The following KLHL17 variants were observed in gnomAD, a reference collection of about 807,000 sequenced individuals.
KLHL17 encodes kelch-like protein 17.
A neutral mutation model predicts 64.6 loss-of-function variants in KLHL17; 71 were observed. That is an observed-to-expected ratio of 1.10 (90% CI 0.91 to 1.34). The LOEUF (loss-of-function observed/expected upper bound fraction) is 1.34. Among genes scored for constraint, KLHL17 ranks in the 40% most tolerant of loss-of-function variants. The pLI is 0.00. For synonymous variants in KLHL17, 612 were observed against 405.4 expected (o/e 1.51, Z -6.12); for missense variants, 1,140 against 935.0 (o/e 1.22, Z -2.86).
In KLHL17 at chr1:963,157, C is replaced by G. The variant is rs769368672; in HGVS notation, c.1091C>G (p.Thr364Arg). 1.1e-5 allele frequency: 17 copies of G among 1,611,242 alleles called. No homozygotes were observed. The highest frequency in any genetic ancestry group is 1.4e-5 in the Non-Finnish European group (16 of 1,178,986). The change falls in exon 7 of 12, where the codon ACG (threonine) becomes AGG (arginine). Residue 364 changes from threonine (T) to arginine (R), a missense_variant. By Grantham distance (71) the Thr-to-Arg change is moderately conservative. Coordinates refer to ENST00000338591, the MANE Select transcript of KLHL17 (RefSeq NM_198317.3). ...AIHGDCEAYDTRTDRWHVVAS... is the reference protein window; with the variant it reads ...AIHGDCEAYDRRTDRWHVVAS... The stretch of plus-strand genomic sequence containing the variant: ...CACGGAGACTGTGAGGCCTACGACA[C>G]GCGCACCGACCGCTGGCACGTGGTG...
At chr1:963,810 G>A (rs1642764359) in intron 8 of KLHL17, 110 bp from the exon 9 acceptor site, 1 of 1,280,060 alleles carries the variant, frequency 7.8e-7, no homozygotes, top group Non-Finnish European at 1.1e-6. Context: ...TGCGGTCTGA[G>A]TTTGACTCCT....
Position 963,520 on chromosome 1 carries a change from GC to G in KLHL17, c.1355+20del. 1 of 1,597,626 alleles carries G rather than the reference GC, an allele frequency of 6.3e-7. No individual in the cohort carries two copies. The highest frequency in any genetic ancestry group is 1.1e-5 in the South Asian group (1 of 89,834). On this transcript the variant is annotated intron_variant, in intron 8 of 11. Transcript: ENST00000338591. Reference sequence around the variant, plus strand: ...GCCTGAACAGGTAGTTGGGGTTGGGGCCCCAGTGGCTTTGTACAGTCCATCT... The same window carrying G: ...GCCTGAACAGGTAGTTGGGGTTGGGGCCCAGTGGCTTTGTACAGTCCATCT...
In KLHL17 at chr1:961,678, C is replaced by T. The variant is rs189446438; in HGVS notation, c.417C>T (p.Asp139=). ...RQTHVTLHDI[D]PQALDQLVQF... ...CCCACGTGACGCTGCACGACATCGA[C>T]CCTCAGGCCTTGGACCAGCTGGTGC... Residue 139 remains aspartate (D), a synonymous_variant, in exon 3 of 12, where the codon GAC becomes GAT. Coordinates refer to ENST00000338591, the MANE Select transcript of KLHL17 (RefSeq NM_198317.3). The T allele has an allele frequency of 7.8e-5, 126 of 1,612,584 alleles. 2 individuals are homozygous for T. Among genetic ancestry groups the T allele is most frequent in the African/African-American group, 2.8e-4 (21 of 75,042 alleles).
intron 10 of KLHL17, 53 bp from the exon 11 acceptor site, chr1:964,296 A>T: frequency 2.5e-6 from 4 of 1,581,834 alleles, no homozygotes; most frequent in South Asian, 1.1e-5. Context: ...GGGCTGCGGC[A>T]GAGGAGGGAT....
Position 963,413 on chromosome 1 carries a change from A to C in KLHL17, c.1264A>C (p.Met422Leu), listed in dbSNP as rs770306292. 112 of 1,612,536 alleles carry C rather than the reference A, an allele frequency of 6.9e-5. No homozygotes were observed. The highest frequency in any genetic ancestry group is 9.4e-5 in the Non-Finnish European group (111 of 1,179,870). ...TAACACGTGGCAGCCGGAGGTGTCC[A>C]TGGGCACAAGGCGAAGCTGCCTGGG... ...VTNTWQPEVS[M>L]GTRRSCLGVA... The change falls in exon 8 of 12, where the codon ATG (methionine) becomes CTG (leucine). Residue 422 changes from methionine (M) to leucine (L), a missense_variant. Met to Leu is a conservative substitution (Grantham distance 15, BLOSUM62 2). Transcript: ENST00000338591.
chr1:964,438 G>C lies in KLHL17; in HGVS notation c.1608G>C (p.Gly536=), dbSNP rs1447985831. The change falls in exon 11 of 12, where the codon GGG becomes GGC. Residue 536 remains glycine, a synonymous_variant. Coordinates refer to ENST00000338591, the MANE Select transcript of KLHL17 (RefSeq NM_198317.3). ...TGGAGGGTGCCCTGTACGTGGCAGG[G>C]GGCAACGACGGCACCAGCTGCCTCA... The part of the protein sequence containing the change: ...AVLEGALYVA[G]GNDGTSCLNS... The C allele has an allele frequency of 5.2e-6, 8 of 1,547,894 alleles. No individual in the cohort carries two copies. In the African/African-American group the frequency reaches 8.5e-5, roughly 16 times the overall value.
chr1:961,591 T>G (rs1167748329), intron 2 of KLHL17, 38 bp from the exon 3 acceptor site: 14 of 1,612,550 alleles, frequency 8.7e-6, no homozygotes, highest in Non-Finnish European at 1.0e-5. Flanking sequence ...GCTCCGTGGG[T>G]CCCTCGGGTC....
At position 961,009 on chromosome 1, in the gene KLHL17, G is replaced by T. The variant is rs1253275734; in HGVS notation, c.107+209G>T. The T allele has an allele frequency of 1.2e-5, 3 of 248,924 alleles. No homozygotes were observed. The South Asian group carries it at 4.4e-4, about 37-fold the overall frequency. The allele number at this position is 248,924 out of a possible 1,614,324, so 15.4% of individuals were successfully genotyped here. A position where few individuals can be genotyped will look rare whatever the true frequency, so the allele number is the denominator to read the frequency against. On this transcript the variant is annotated intron_variant, in intron 1 of 11. Coordinates refer to ENST00000338591, the MANE Select transcript of KLHL17 (RefSeq NM_198317.3). ...CTCCCGCTGCGGTCCCGAGAGGGCG[G>T]CTAGGGACGCGGAGGAGCTGAGCTC... is the stretch of plus-strand genomic sequence containing the variant.
rs1269049142 is a variant in KLHL17, at chr1:963,515, T to C, written c.1355+11T>C. ...CTCCTGCCTGAACAGGTAGTTGGGGTTGGGGCCCCAGTGGCTTTGTACAGT... is the reference window on the plus strand; with the variant it reads ...CTCCTGCCTGAACAGGTAGTTGGGGCTGGGGCCCCAGTGGCTTTGTACAGT... On this transcript the variant is annotated intron_variant, in intron 8 of 11. Coordinates refer to ENST00000338591, the MANE Select transcript of KLHL17 (RefSeq NM_198317.3). 1 of 1,600,412 alleles carries C rather than the reference T, an allele frequency of 6.2e-7. No homozygotes were observed. The highest frequency in any genetic ancestry group is 8.5e-7 in the Non-Finnish European group (1 of 1,172,506).
rs749868050 is a variant in KLHL17 at position 965,003 on chromosome 1, G to A, written c.1741G>A (p.Ala581Thr). Residue 581 changes from alanine (A) to threonine (T), a missense_variant, in exon 12 of 12, where the codon GCC becomes ACC. Coordinates refer to ENST00000338591, the MANE Select transcript of KLHL17 (RefSeq NM_198317.3). The part of the protein sequence containing the change: ...DLVAMDGWLY[A>T]VGGNDGSSSL... ...GGTGGCCATGGACGGATGGTTGTAC[G>A]CCGTGGGGGGTAACGACGGTAGCTC... 1.2e-5 allele frequency: 19 copies of A among 1,612,140 alleles called. No homozygotes were observed. Among genetic ancestry groups the A allele is most frequent in the Non-Finnish European group, 1.4e-5 (17 of 1,179,642 alleles).
intron 4 of KLHL17, 46 bp downstream of exon 4, chr1:962,093 C>CCCCCCCCTT: frequency 6.6e-7 from 1 of 1,518,424 alleles, no homozygotes; most frequent in Non-Finnish European, 9.0e-7. Flanking sequence ...CCACCCCACC[C>CCCCCCCCTT]CAGTCTTTGT....
In KLHL17 at chr1:964,186, T is replaced by C. The variant is rs1158654214; in HGVS notation, c.1518+6T>C. On this transcript the variant is annotated splice_donor_region_variant and intron_variant, in intron 10 of 11. Coordinates refer to ENST00000338591, the MANE Select transcript of KLHL17 (RefSeq NM_198317.3). ...TGGAGAAGTATGAGCCCCAGGTGCA[T>C]AGTGCACCCCTCCTGGCCACCCCCT... 1 of 1,612,220 alleles carries C rather than the reference T, an allele frequency of 6.2e-7. No individual in the cohort carries two copies. Among genetic ancestry groups the C allele is most frequent in the East Asian group, 2.2e-5 (1 of 44,872 alleles).
Position 963,263 on chromosome 1 carries a change from G to A in KLHL17, c.1187+10G>A. The A allele has an allele frequency of 1.3e-6, 2 of 1,599,798 alleles. No homozygotes were observed. The highest frequency in any genetic ancestry group is 1.1e-5 in the South Asian group (1 of 90,690). On this transcript the variant is annotated intron_variant, in intron 7 of 11. Transcript: ENST00000338591. ...TCTATGCTGTGGGCGGGTAAGCCTG[G>A]AGGCTGGACTTGGGTCGGGTCTGGC...
intron 1 of KLHL17, 81 bp downstream of exon 1, chr1:960,881 GCGGGGGCCGCTTCCGAGGGC>G: frequency 1.1e-6 from 1 of 948,080 alleles, no homozygotes; most frequent in Non-Finnish European, 1.3e-6. Context: ...CGCAGAAGGG[GCGGGGGCCGCTTCCGAGGGC>G]CGGGGGAGGT....
intron 6 of KLHL17, 47 bp downstream of exon 6, chr1:962,964 C>T: frequency 6.6e-7 from 1 of 1,519,462 alleles, no homozygotes; most frequent in Non-Finnish European, 8.8e-7. Context: ...CTTCTACTCC[C>T]CACCAGCACA....
rs746142976 is a variant in KLHL17 at position 964,168 on chromosome 1, G to A, written c.1506G>A (p.Lys502=). 2.5e-6 allele frequency: 4 copies of A among 1,612,700 alleles called. No individual in the cohort carries two copies. The highest frequency in any genetic ancestry group is 2.2e-5 in the East Asian group (1 of 44,882). The change falls in exon 10 of 12, where the codon AAG becomes AAA. Residue 502 remains lysine (K), a synonymous_variant. Transcript: ENST00000338591. ...CCTCACACCTGGCCACTGTGGAGAA[G>A]TATGAGCCCCAGGTGCATAGTGCAC... The part of the protein sequence containing the change: ...DSSSHLATVE[K]YEPQVNVWSP...
rs1642762651 is a variant in KLHL17, at chr1:963,741, A to T, written c.1356-179A>T. ...GCTGGGCCCAGGTGGGTGTGCACCC[A>T]GGGTTGTTCAGGCAGCCAGGGTCCT... On this transcript the variant is annotated intron_variant, in intron 8 of 11. Coordinates refer to ENST00000338591, the MANE Select transcript of KLHL17 (RefSeq NM_198317.3). 2.4e-5 allele frequency: 20 copies of T among 843,552 alleles called. 1 individual carries two copies. In the South Asian group the frequency reaches 3.3e-4, roughly 14 times the overall value. 52.3% of individuals were successfully genotyped at this position (843,552 alleles called of 1,614,324 possible).
rs6677386 is a variant in KLHL17, at chr1:964,548, G to A, written c.1700+18G>A. On this transcript the variant is annotated intron_variant, in intron 11 of 11. Coordinates refer to ENST00000338591, the MANE Select transcript of KLHL17 (RefSeq NM_198317.3). ...ATCCGCAGGTCCGCAGTGGGGCTGC[G>A]GGGAGGGGGGCGCGGGTCCGCAGTG... The A allele has an allele frequency of 2.9e-5, 10 of 345,700 alleles. 3 individuals are homozygous for A. Among genetic ancestry groups the A allele is most frequent in the Admixed American group, 5.0e-5 (1 of 19,826 alleles). 21.4% of individuals were successfully genotyped at this position (345,700 alleles called of 1,614,324 possible). A position where few individuals can be genotyped will look rare whatever the true frequency, so the allele number is the denominator to read the frequency against.
intron 5 of KLHL17, 76 bp downstream of exon 5, chr1:962,547 C>G (rs1418451832): frequency 6.4e-7 from 1 of 1,571,518 alleles, no homozygotes; most frequent in East Asian, 2.3e-5. Context: ...TGCACCCTGA[C>G]CTTCCCCGAG....
Sources: allele counts gnomAD v4.1 joint callset, GRCh38; gene constraint gnomAD v4.1.1; transcripts MANE v1.5; gene names NCBI Gene and HGNC (gene_info 2026-07-23, HGNC 2026-07-21).